The following PPP1R42 variants were observed in gnomAD, a reference collection of about 807,000 sequenced individuals.
PPP1R42 encodes leucine rich repeat containing 67.
PPP1R42 carries 34 observed loss-of-function variants against 31.0 expected under a neutral mutation model. The observed-to-expected ratio is 1.10, with a 90% CI of 0.83 to 1.46. The LOEUF (loss-of-function observed/expected upper bound fraction) is 1.46, where lower values mean the gene tolerates loss of function less well. PPP1R42 is among the 40% of genes most tolerant of loss of function. PPP1R42 has a pLI of 0.00. For missense variants in PPP1R42, 268 were observed against 303.0 expected (o/e 0.88, Z 0.86); for synonymous variants, 103 against 109.8 (o/e 0.94, Z 0.39).
Position 66,971,890 on chromosome 8 carries a change from CA to C in PPP1R42, c.803-7557del, listed in dbSNP as rs552539188. Among the ~76,000 whole-genome samples the C allele has an allele frequency of 3.2e-4, 49 of 152,204 alleles. 1 individual carries two copies. Among genetic ancestry groups the C allele is most frequent in the Non-Finnish European group, 6.0e-4 (41 of 68,018 alleles). ...TAGAGCTCCAAATTTACAAGGCTAT[CA>C]AAAACACATAAAAGATTAGGAAGTA... On this transcript the variant is annotated intron_variant, in intron 7 of 7. Transcript: ENST00000685739.
In PPP1R42 at chr8:67,014,432, T is replaced by C; in HGVS notation, c.290A>G (p.Glu97Gly). 6.7e-7 allele frequency: 1 copy of C among 1,490,502 alleles called. No individual in the cohort carries two copies. Among genetic ancestry groups the C allele is most frequent in the African/African-American group, 1.4e-5 (1 of 69,596 alleles). The allele number at this position is 1,490,502 out of a possible 1,614,324, so 92.3% of individuals were successfully genotyped here. The change falls in exon 3 of 8, where the codon GAA (glutamate) becomes GGA (glycine). Residue 97 changes from glutamate to glycine, a missense_variant. Glu to Gly is a moderately conservative substitution (Grantham distance 98, BLOSUM62 -2). Coordinates refer to ENST00000685739, the MANE Select transcript of PPP1R42 (RefSeq NM_001364910.1). ...IENLRSLKKL[E>G]KLYLGGNYIA... ...AAAAAATAAAAGCACTTACAGTTTT[T>C]CCAGTTTCTTTAATGACCTGAGGTT...
chr8:67,002,251 G>A (rs1815514186), intron 5 of PPP1R42, among the ~76,000 whole-genome samples: 1 of 152,172 alleles, frequency 6.6e-6, no homozygotes, highest in East Asian at 1.9e-4. Context: ...CCAGGCTGGA[G>A]TGCAATGGCA....
intron 2 of PPP1R42, among the ~76,000 whole-genome samples, chr8:67,016,523 C>G (rs1816021182): frequency 6.6e-6 from 1 of 152,210 alleles, no homozygotes; most frequent in African/African-American, 2.4e-5. Context: ...TAAACATAAA[C>G]TTGTCTGATG....
At chr8:67,016,573 A>G (rs577215449) in intron 2 of PPP1R42, among the ~76,000 whole-genome samples, 1 of 152,360 alleles carries the variant, frequency 6.6e-6, no homozygotes, top group South Asian at 2.1e-4. Context: ...ATAACCAGTT[A>G]AATTCTGTGC....
At chr8:67,010,923 G>C (rs563716463) in intron 4 of PPP1R42, 92 bp from the exon 5 acceptor site, 1 of 1,227,278 alleles carries the variant, frequency 8.1e-7, no homozygotes, top group East Asian at 2.6e-5. Context: ...GTTTAAGCTT[G>C]ATCAGTTCAG....
intron 6 of PPP1R42, chr8:66,984,603 C>T (rs947469393): frequency 3.8e-5 from 45 of 1,182,360 alleles, no homozygotes; most frequent in African/African-American, 1.4e-4. Context: ...TATACAGATA[C>T]GTGTACCCCC....
At chr8:66,986,460 G>A (rs1815019306) in intron 6 of PPP1R42, among the ~76,000 whole-genome samples, 1 of 152,130 alleles carries the variant, frequency 6.6e-6, no homozygotes, top group South Asian at 2.1e-4. Context: ...CCTTCTGACT[G>A]CCCTAGGCCT....
intron 5 of PPP1R42, among the ~76,000 whole-genome samples, chr8:67,004,340 C>T (rs1815606181): frequency 6.6e-6 from 1 of 152,052 alleles, no homozygotes; most frequent in Admixed American, 6.5e-5. Flanking sequence ...TAGGTTTCTG[C>T]TGATAAATTA....
chr8:66,994,930 C>A (rs113020372), intron 5 of PPP1R42, among the ~76,000 whole-genome samples: 3,028 of 152,158 alleles, frequency 0.02, 71 homozygotes, highest in South Asian at 0.046. Flanking sequence ...GAACTTAGGT[C>A]CATATAAAAG....
At chr8:67,025,949 G>A (rs1816382160) in intron 1 of PPP1R42, among the ~76,000 whole-genome samples, 1 of 150,058 alleles carries the variant, frequency 6.7e-6, no homozygotes, top group African/African-American at 2.5e-5. Flanking sequence ...AGGTGGCAGT[G>A]AGCCCAGATC....
chr8:66,989,223 C>A (rs1815120323), intron 5 of PPP1R42, among the ~76,000 whole-genome samples: 2 of 152,002 alleles, frequency 1.3e-5, no homozygotes, highest in Admixed American at 6.6e-5. Flanking sequence ...ACTGATAGTT[C>A]AAGGAATAAT....
intron 5 of PPP1R42, among the ~76,000 whole-genome samples, chr8:66,998,217 CTTCT>C (rs1815389123): frequency 6.6e-6 from 1 of 152,160 alleles, no homozygotes; most frequent in Non-Finnish European, 1.5e-5. Context: ...TTATGTAGAT[CTTCT>C]TTAATTTCTT....
rs71249412 is a variant in PPP1R42, at chr8:66,987,287, C to CTTT, written c.670+1110_670+1112dup. Among the ~76,000 whole-genome samples the CTTT allele has an allele frequency of 2.5e-3, 270 of 105,972 alleles. 1 individual carries two copies. Among genetic ancestry groups the CTTT allele is most frequent in the African/African-American group, 5.1e-3 (135 of 26,490 alleles). The allele number at this position is 105,972 out of a possible 152,430, so 69.5% of individuals were successfully genotyped here. On this transcript the variant is annotated intron_variant, in intron 6 of 7. Coordinates refer to ENST00000685739, the MANE Select transcript of PPP1R42 (RefSeq NM_001364910.1). ...CTCCATCTCATTTTTAGCAAATGAT[C>CTTT]TTTTTTTTTTTTTTTTTTTTTTGAG...
intron 6 of PPP1R42, chr8:66,985,738 C>T: frequency 7.8e-7 from 1 of 1,276,334 alleles, no homozygotes; most frequent in Non-Finnish European, 1.1e-6. Context: ...TGTAGGGGGG[C>T]TAATGAAGCA....
chr8:67,025,653 C>T (rs918493407), intron 1 of PPP1R42, among the ~76,000 whole-genome samples: 13 of 151,870 alleles, frequency 8.6e-5, no homozygotes, highest in African/African-American at 3.1e-4. Context: ...GCATGGGAGC[C>T]TTCATAAGAA....
chr8:66,986,576 G>A (rs1815024091), intron 6 of PPP1R42, among the ~76,000 whole-genome samples: 2 of 152,180 alleles, frequency 1.3e-5, no homozygotes, highest in Admixed American at 1.3e-4. Context: ...TTTCCTGGAG[G>A]CAGAGCGCAT....
intron 6 of PPP1R42, chr8:66,985,159 G>T: frequency 8.8e-7 from 1 of 1,141,908 alleles, no homozygotes; most frequent in Non-Finnish European, 1.3e-6. Flanking sequence ...AGCTGCTTGT[G>T]AAATCTCTGC....
At chr8:67,003,705 C>T (rs1271134235) in intron 5 of PPP1R42, among the ~76,000 whole-genome samples, 1 of 152,136 alleles carries the variant, frequency 6.6e-6, no homozygotes, top group Non-Finnish European at 1.5e-5. Context: ...ATGTGTCCCC[C>T]AAAGTTCATA....
intron 5 of PPP1R42, among the ~76,000 whole-genome samples, chr8:66,995,001 T>C (rs1815293793): frequency 1.3e-5 from 2 of 152,198 alleles, no homozygotes; most frequent in Non-Finnish European, 2.9e-5. Context: ...GATTCTCTAA[T>C]GATGTCCATT....
Sources: gnomAD v4.1 joint callset for allele counts (sites outside exome capture counted in the v4.1 genomes callset) on GRCh38, gnomAD v4.1.1 for gene constraint, MANE v1.5 for transcripts, NCBI Gene and HGNC (gene_info 2026-07-23, HGNC 2026-07-21) for gene names.